The following STK32C variants were observed in gnomAD, a reference collection of about 807,000 sequenced individuals.
STK32C encodes the protein serine/threonine-protein kinase 32C.
Under a neutral mutation model 56.5 loss-of-function variants are expected in STK32C, and 31 were observed. That is an observed-to-expected ratio of 0.55 (90% CI 0.41 to 0.74). The LOEUF (loss-of-function observed/expected upper bound fraction) is 0.74. Among genes scored for constraint, STK32C ranks in the 30% least tolerant of loss-of-function variants. STK32C has a pLI of 0.00. For synonymous variants in STK32C, 309 were observed against 289.4 expected, an observed-to-expected ratio of 1.07 and a Z score of -0.69; for missense variants, 544 against 676.9, an observed-to-expected ratio of 0.80 and a Z score of 2.18.
intron 1 of STK32C, among the ~76,000 whole-genome samples, chr10:132,284,278 G>A (rs1363471870): frequency 1.5e-5 from 2 of 137,638 alleles, no homozygotes; most frequent in Non-Finnish European, 3.2e-5. Flanking sequence ...GAGAACAGGG[G>A]CAGGTGAGGT....
At chr10:132,289,887 A>G (rs1196350596) in intron 1 of STK32C, among the ~76,000 whole-genome samples, 1 of 152,230 alleles carries the variant, frequency 6.6e-6, no homozygotes, top group African/African-American at 2.4e-5. Context: ...GTCCACTCCA[A>G]TGTTCAATAA....
At chr10:132,261,482 G>C (rs905114501) in intron 1 of STK32C, among the ~76,000 whole-genome samples, 1 of 152,052 alleles carries the variant, frequency 6.6e-6, no homozygotes, top group South Asian at 2.1e-4. Context: ...TAGAAATCAG[G>C]GGCCGGGCAC....
At chr10:132,227,018 C>A in intron 3 of STK32C, 50 bp from the exon 4 acceptor site, 1 of 1,593,650 alleles carries the variant, frequency 6.3e-7, no homozygotes, top group South Asian at 1.1e-5. Flanking sequence ...GGGAGCCAGT[C>A]ATGGCTGCTC....
At chr10:132,304,103 A>T (rs1437917336) in intron 1 of STK32C, among the ~76,000 whole-genome samples, 2 of 152,258 alleles carry the variant, frequency 1.3e-5, no homozygotes, top group Non-Finnish European at 2.9e-5. Context: ...TCCTAGGGAA[A>T]CAATGCCAAG....
At chr10:132,240,521 C>T (rs2063464484) in intron 2 of STK32C, among the ~76,000 whole-genome samples, 1 of 152,200 alleles carries the variant, frequency 6.6e-6, no homozygotes, top group Non-Finnish European at 1.5e-5. Context: ...CTTCTTCACC[C>T]ACAAACATGC....
chr10:132,325,629 T>C (rs1249579377), intron 1 of STK32C, among the ~76,000 whole-genome samples: 1 of 151,902 alleles, frequency 6.6e-6, no homozygotes, highest in Non-Finnish European at 1.5e-5. Flanking sequence ...TGCTCCTCCT[T>C]GCCTTCCGCC....
At chr10:132,242,011 G>A (rs970200206) in intron 2 of STK32C, among the ~76,000 whole-genome samples, 2 of 152,110 alleles carry the variant, frequency 1.3e-5, no homozygotes, top group Admixed American at 6.5e-5. Context: ...TCAGGAGGCT[G>A]AGGAATGAGA....
In STK32C at chr10:132,238,096, G is replaced by C. The variant is rs1590218839; in HGVS notation, c.318+7804C>G. Among the ~76,000 whole-genome samples, 8 of 152,244 alleles carry C rather than the reference G, an allele frequency of 5.3e-5. No individual in the cohort carries two copies. The South Asian group carries it at 1.5e-3, about 28-fold the overall frequency. On this transcript the variant is annotated intron_variant, in intron 2 of 11. Transcript: ENST00000298630. ...GGCAGGCAAGTGGACGAGGCCTGGG[G>C]AACTGCCAGCAGTGCTGGCGGGGGA... is the stretch of plus-strand genomic sequence containing the variant.
intron 1 of STK32C, among the ~76,000 whole-genome samples, chr10:132,280,693 G>T (rs977243214): frequency 7.0e-6 from 1 of 142,036 alleles, no homozygotes; most frequent in Non-Finnish European, 1.5e-5. Flanking sequence ...CCTCCACTCC[G>T]TGATCATGAA....
intron 2 of STK32C, among the ~76,000 whole-genome samples, chr10:132,245,366 A>C (rs957303162): frequency 6.6e-6 from 1 of 152,226 alleles, no homozygotes; most frequent in Non-Finnish European, 1.5e-5. Context: ...AATTACCCCC[A>C]ATCTCTAGAT....
At chr10:132,241,411 C>T (rs1326684323) in intron 2 of STK32C, among the ~76,000 whole-genome samples, 1 of 152,212 alleles carries the variant, frequency 6.6e-6, no homozygotes, top group African/African-American at 2.4e-5. Context: ...CACGTAACAA[C>T]ATGACATAGA....
chr10:132,256,869 C>T (rs568779985), intron 1 of STK32C, among the ~76,000 whole-genome samples: 3 of 152,186 alleles, frequency 2.0e-5, no homozygotes, highest in South Asian at 2.1e-4. Context: ...AGCCCTGACT[C>T]GGGGTGGGGC....
At chr10:132,260,544 T>C (rs966189323) in intron 1 of STK32C, among the ~76,000 whole-genome samples, 6 of 152,196 alleles carry the variant, frequency 3.9e-5, no homozygotes, top group African/African-American at 1.4e-4. Flanking sequence ...GTCCTGGGTG[T>C]TGCAGGGGGC....
intron 2 of STK32C, among the ~76,000 whole-genome samples, chr10:132,242,818 C>G (rs2063553496): frequency 6.6e-6 from 1 of 152,226 alleles, no homozygotes; most frequent in South Asian, 2.1e-4. Context: ...GTTTCACAGA[C>G]CTGGCTCTCA....
rs140629642 is a variant in STK32C, at chr10:132,223,195, C to T, written c.994-209G>A. On this transcript the variant is annotated intron_variant, in intron 8 of 11. Coordinates refer to ENST00000298630, the MANE Select transcript of STK32C (RefSeq NM_173575.4). ...CTGGCTCAGCATGTGGCCCAAGGGA[C>T]GCCTGTTCTCAGTGCTGCTACCTAA... is the stretch of plus-strand genomic sequence containing the variant. Among the ~76,000 whole-genome samples, 654 of 152,328 alleles carry T rather than the reference C, an allele frequency of 4.3e-3. 5 individuals are homozygous for T. The highest frequency in any genetic ancestry group is 0.015 in the African/African-American group (625 of 41,564).
At chr10:132,246,019 C>G (rs1473029878) in intron 1 of STK32C, 64 bp from the exon 2 acceptor site, 3 of 1,507,060 alleles carry the variant, frequency 2.0e-6, no homozygotes, top group Non-Finnish European at 2.8e-6. Context: ...AGAGCAGCTC[C>G]CCCACCTCAA....
At chr10:132,254,785 A>G (rs1294184742) in intron 1 of STK32C, among the ~76,000 whole-genome samples, 1 of 152,022 alleles carries the variant, frequency 6.6e-6, no homozygotes, top group African/African-American at 2.4e-5. Flanking sequence ...CCCCGGCACA[A>G]TGCGTGCACC....
At chr10:132,234,595 C>A (rs989990761) in intron 2 of STK32C, among the ~76,000 whole-genome samples, 1 of 152,236 alleles carries the variant, frequency 6.6e-6, no homozygotes, top group Non-Finnish European at 1.5e-5. Flanking sequence ...TCTGTATGGC[C>A]CCTTCTGAGC....
chr10:132,309,822 C>T (rs2066186845), upstream of STK32C, among the ~76,000 whole-genome samples: 1 of 152,188 alleles, frequency 6.6e-6, no homozygotes, highest in Non-Finnish European at 1.5e-5. Flanking sequence ...CATCGCCTCT[C>T]CTCCTCTCCC....
Sources: gnomAD v4.1 joint callset for allele counts (sites outside exome capture counted in the v4.1 genomes callset) on GRCh38, gnomAD v4.1.1 for gene constraint, MANE v1.5 for transcripts, NCBI Gene and HGNC (gene_info 2026-07-23, HGNC 2026-07-21) for gene names.